Variants in EIF4G3 observed in about 807,000 individuals in gnomAD.
The protein encoded by EIF4G3 is eIF-4-gamma 3.
EIF4G3 carries 34 observed loss-of-function variants against 186.4 expected under a neutral mutation model. The ratio of observed to expected loss-of-function variants is 0.18; its 90% CI spans 0.14 to 0.24. The LOEUF (loss-of-function observed/expected upper bound fraction) is 0.24, where lower values mean the gene tolerates loss of function less well. EIF4G3 is among the 10% of genes least tolerant of loss of function. EIF4G3 has a pLI of 1.00. For synonymous variants in EIF4G3, 673 were observed against 679.5 expected (o/e 0.99, Z 0.15); for missense variants, 1,536 against 1,948.5 (o/e 0.79, Z 3.99).
chr1:20,976,029 TA>T (rs1343491293), intron 10 of EIF4G3, among the ~76,000 whole-genome samples: 3 of 152,188 alleles, frequency 2.0e-5, no homozygotes, highest in Non-Finnish European at 1.5e-5. Context: ...ATCCCAGTTC[TA>T]AATCAGTGGT....
At chr1:21,044,182 G>T (rs2093742337) in intron 4 of EIF4G3, among the ~76,000 whole-genome samples, 1 of 151,830 alleles carries the variant, frequency 6.6e-6, no homozygotes, top group African/African-American at 2.4e-5. Context: ...TCCTCCATTT[G>T]GTTTTTTTAA....
intron 14 of EIF4G3, among the ~76,000 whole-genome samples, chr1:20,916,402 G>A (rs528975730): frequency 7.9e-5 from 12 of 151,748 alleles, no homozygotes; most frequent in East Asian, 3.9e-4. Flanking sequence ...AGCCGAGATC[G>A]TGCCATTGCA....
At chr1:21,036,716 C>T (rs2093232856) in intron 4 of EIF4G3, among the ~76,000 whole-genome samples, 1 of 151,610 alleles carries the variant, frequency 6.6e-6, no homozygotes, top group Non-Finnish European at 1.5e-5. Flanking sequence ...CCCGTCTCTA[C>T]AAAAAAATAC....
At chr1:21,028,659 A>G (rs896724956) in intron 4 of EIF4G3, among the ~76,000 whole-genome samples, 1 of 152,216 alleles carries the variant, frequency 6.6e-6, no homozygotes, top group African/African-American at 2.4e-5. Context: ...TTCAACAAAC[A>G]GTAAGCAGCA....
At chr1:21,043,185 C>T (rs1429127360) in intron 4 of EIF4G3, among the ~76,000 whole-genome samples, 1 of 152,176 alleles carries the variant, frequency 6.6e-6, no homozygotes, top group Non-Finnish European at 1.5e-5. Flanking sequence ...ATGTAAAAGA[C>T]AAAATCCTAA....
chr1:20,890,883 AATAACT>A (rs1196122884), intron 18 of EIF4G3, among the ~76,000 whole-genome samples: 4 of 152,256 alleles, frequency 2.6e-5, no homozygotes, highest in Admixed American at 6.5e-5. Flanking sequence ...AGGCTGGAAG[AATAACT>A]TGTGTTAAGG....
chr1:21,086,091 G>C (rs1048621438), intron 3 of EIF4G3, among the ~76,000 whole-genome samples: 2 of 151,928 alleles, frequency 1.3e-5, no homozygotes, highest in African/African-American at 4.8e-5. Context: ...CAGAAACTGG[G>C]TCAATTCTAA....
chr1:20,877,091 A>G (rs2081100560), intron 20 of EIF4G3, among the ~76,000 whole-genome samples: 1 of 152,202 alleles, frequency 6.6e-6, no homozygotes, highest in Non-Finnish European at 1.5e-5. Context: ...TTATTGCCAG[A>G]TCATTTCAAA....
intron 12 of EIF4G3, among the ~76,000 whole-genome samples, chr1:20,956,587 A>T (rs1008161282): frequency 2.0e-5 from 3 of 146,798 alleles, no homozygotes; most frequent in Admixed American, 6.9e-5. Flanking sequence ...TTAGAACCTC[A>T]GCAACTTAGG....
Position 21,105,360 on chromosome 1 carries a change from G to A in EIF4G3, c.-271-16147C>T, listed in dbSNP as rs535492765. Reference sequence around the variant, plus strand: ...CAGGAGAATAACTTGAACCTGGGAGGTGGAGGTTGCAGTGAGCCGCGATTG... The same window carrying A: ...CAGGAGAATAACTTGAACCTGGGAGATGGAGGTTGCAGTGAGCCGCGATTG... On this transcript the variant is annotated intron_variant, in intron 2 of 36. Coordinates refer to ENST00000602326, the MANE Select transcript of EIF4G3 (RefSeq NM_001391906.1). Among the ~76,000 whole-genome samples, 18 of 152,114 alleles carry A rather than the reference G, an allele frequency of 1.2e-4. 1 individual carries two copies. The highest frequency in any genetic ancestry group is 4.3e-4 in the African/African-American group (18 of 41,520).
intron 4 of EIF4G3, among the ~76,000 whole-genome samples, chr1:21,011,887 G>C (rs1053747911): frequency 3.9e-5 from 6 of 152,118 alleles, no homozygotes; most frequent in African/African-American, 1.4e-4. Context: ...CACCATTAGA[G>C]TTATAAACTG....
intron 35 of EIF4G3, among the ~76,000 whole-genome samples, chr1:20,812,905 A>C (rs2059551948): frequency 6.6e-6 from 1 of 152,212 alleles, no homozygotes; most frequent in South Asian, 2.1e-4. Flanking sequence ...AGCTACACGC[A>C]ACGTAGTGAA....
chr1:20,999,144 G>A (rs1239733474), intron 6 of EIF4G3, among the ~76,000 whole-genome samples: 1 of 152,134 alleles, frequency 6.6e-6, no homozygotes, highest in African/African-American at 2.4e-5. Flanking sequence ...AAGCTAAAAT[G>A]TCACCTTTTG....
At chr1:20,825,249 C>CAAAAAAAAAA in intron 32 of EIF4G3, 51 bp from the exon 33 acceptor site, 1 of 213,756 alleles carries the variant, frequency 4.7e-6, no homozygotes, top group South Asian at 1.2e-4. Context: ...GAAGAAGAAA[C>CAAAAAAAAAA]AGAAAAAAAA....
chr1:21,054,741 GGT>G lies in EIF4G3; in HGVS notation c.-195-3749_-195-3748del, dbSNP rs1345833982. On this transcript the variant is annotated intron_variant, in intron 3 of 36. Transcript: ENST00000602326. Reference sequence around the variant, plus strand: ...AAGGTCTGAAGAAAATCTAGTCCCTGGTACTCTAACCTTCAAATCACTTATAA... The same window carrying G: ...AAGGTCTGAAGAAAATCTAGTCCCTGACTCTAACCTTCAAATCACTTATAA... 2.0e-5 allele frequency among the ~76,000 whole-genome samples: 3 copies of G among 152,130 alleles called. No individual in the cohort carries two copies. The South Asian group carries it at 6.2e-4, about 32-fold the overall frequency.
At chr1:20,822,982 T>C (rs1040962717) in intron 33 of EIF4G3, among the ~76,000 whole-genome samples, 1 of 152,220 alleles carries the variant, frequency 6.6e-6, no homozygotes, top group Non-Finnish European at 1.5e-5. Context: ...TCTGAGATTA[T>C]TCTACCATCT....
intron 4 of EIF4G3, among the ~76,000 whole-genome samples, chr1:21,024,762 G>T (rs971945719): frequency 1.3e-5 from 2 of 148,994 alleles, no homozygotes; most frequent in Admixed American, 6.7e-5. Context: ...GCAGAAGGCC[G>T]CAGGGTCCTC....
rs142257189 is a variant in EIF4G3, at chr1:20,973,037, G to T, written c.556C>A (p.Gln186Lys). 2.9e-5 allele frequency: 47 copies of T among 1,608,706 alleles called. No individual in the cohort carries two copies. The highest frequency in any genetic ancestry group is 3.6e-5 in the Non-Finnish European group (43 of 1,178,730). The change falls in exon 11 of 37, where the codon CAA (glutamine) becomes AAA (lysine). Residue 186 changes from glutamine (Q) to lysine (K), a missense_variant. Coordinates refer to ENST00000602326, the MANE Select transcript of EIF4G3 (RefSeq NM_001391906.1). Reference sequence around the variant, plus strand: ...TCTCTCTTGGCTGGAGGCGGCTGTTGCTGCGTAGGCACTATGATAGGTGCT... The same window carrying T: ...TCTCTCTTGGCTGGAGGCGGCTGTTTCTGCGTAGGCACTATGATAGGTGCT... ...QSAPIIVPTQ[Q>K]QPPPAKREKK...
At chr1:21,002,068 A>G (rs1050120093) in intron 5 of EIF4G3, among the ~76,000 whole-genome samples, 2 of 152,248 alleles carry the variant, frequency 1.3e-5, no homozygotes, top group Admixed American at 6.5e-5. Flanking sequence ...GGAGAGCTGA[A>G]GCCACTGTAT....
Sources: gnomAD v4.1 joint callset for allele counts (sites outside exome capture counted in the v4.1 genomes callset) on GRCh38, gnomAD v4.1.1 for gene constraint, MANE v1.5 for transcripts, NCBI Gene and HGNC (gene_info 2026-07-23, HGNC 2026-07-21) for gene names.